RALGAPA2: variants seen among roughly 807,000 people sequenced by gnomAD.
The protein encoded by RALGAPA2 is ral GTPase-activating protein subunit alpha-2.
RALGAPA2 carries 139 observed loss-of-function variants against 230.4 expected under a neutral mutation model. The ratio of observed to expected loss-of-function variants is 0.60; its 90% CI spans 0.53 to 0.69. The LOEUF (loss-of-function observed/expected upper bound fraction) is 0.69, where lower values mean the gene tolerates loss of function less well. Among genes scored for constraint, RALGAPA2 ranks in the 30% least tolerant of loss-of-function variants. RALGAPA2 has a pLI of 0.00. For synonymous variants in RALGAPA2, 847 were observed against 837.8 expected, an observed-to-expected ratio of 1.01 and a Z score of -0.19; for missense variants, 2,163 against 2,276.0, an observed-to-expected ratio of 0.95 and a Z score of 1.01.
At chr20:20,510,348 C>T (rs1294054354) in intron 33 of RALGAPA2, among the ~76,000 whole-genome samples, 2 of 152,142 alleles carry the variant, frequency 1.3e-5, no homozygotes. Flanking sequence ...CTGTACCACC[C>T]TTTAAAAACA....
At chr20:20,690,493 C>T (rs763109811) in intron 1 of RALGAPA2, among the ~76,000 whole-genome samples, 10 of 152,152 alleles carry the variant, frequency 6.6e-5, no homozygotes, top group Non-Finnish European at 1.5e-4. Flanking sequence ...CCAATTCCCA[C>T]ATGATCTTCA....
intron 20 of RALGAPA2, among the ~76,000 whole-genome samples, chr20:20,573,822 A>C (rs1442145417): frequency 6.6e-6 from 1 of 152,196 alleles, no homozygotes; most frequent in African/African-American, 2.4e-5. Context: ...GATGTGTCAT[A>C]GTTTATCCAT....
intron 20 of RALGAPA2, among the ~76,000 whole-genome samples, chr20:20,574,972 A>C (rs2064773287): frequency 6.6e-6 from 1 of 152,086 alleles, no homozygotes; most frequent in Non-Finnish European, 1.5e-5. Flanking sequence ...ATGTTGTTTA[A>C]TGTAGTGCTC....
chr20:20,399,203 T>G lies in RALGAPA2; in HGVS notation c.5618-2469A>C, dbSNP rs984347806. 4.6e-5 allele frequency among the ~76,000 whole-genome samples: 7 copies of G among 151,982 alleles called. No individual in the cohort carries two copies. The East Asian group carries it at 1.4e-3, about 29-fold the overall frequency. ...CTACTAAAAATACCAAAAAATCAGC[T>G]GGGTGTGGTGGTGGGCACCTGTAAT... On this transcript the variant is annotated intron_variant, in intron 38 of 39. Coordinates refer to ENST00000202677, the MANE Select transcript of RALGAPA2 (RefSeq NM_020343.4).
intron 38 of RALGAPA2, among the ~76,000 whole-genome samples, chr20:20,400,436 A>C (rs7264033): frequency 6.6e-6 from 1 of 152,150 alleles, no homozygotes; most frequent in Non-Finnish European, 1.5e-5. Context: ...GCTCCCGTGC[A>C]GGGGCTAAGT....
intron 3 of RALGAPA2, among the ~76,000 whole-genome samples, chr20:20,659,402 T>G (rs2067694990): frequency 6.6e-6 from 1 of 152,246 alleles, no homozygotes; most frequent in Non-Finnish European, 1.5e-5. Context: ...TAACAAAATG[T>G]TATTTGAGGA....
intron 22 of RALGAPA2, 41 bp from the exon 23 acceptor site, chr20:20,571,654 G>C (rs1339497600): frequency 6.3e-7 from 1 of 1,583,676 alleles, no homozygotes; most frequent in Non-Finnish European, 8.6e-7. Flanking sequence ...TCAAGCCCAG[G>C]TGCAGAGTAT....
At chr20:20,677,240 A>G (rs1298026831) in intron 2 of RALGAPA2, among the ~76,000 whole-genome samples, 2 of 152,222 alleles carry the variant, frequency 1.3e-5, no homozygotes, top group African/African-American at 2.4e-5. Context: ...CAGAAGCCAA[A>G]AAAGATGGTA....
chr20:20,573,120 T>A, intron 20 of RALGAPA2, 52 bp from the exon 21 acceptor site: 1 of 1,385,346 alleles, frequency 7.2e-7, no homozygotes, highest in Non-Finnish European at 9.5e-7. Flanking sequence ...GATTTCATCA[T>A]ACCTTTTTTC....
chr20:20,512,921 C>A lies in RALGAPA2; in HGVS notation c.4448G>T (p.Gly1483Val), dbSNP rs781161135. 6.8e-6 allele frequency: 11 copies of A among 1,613,848 alleles called. No individual in the cohort carries two copies. The South Asian group carries it at 1.1e-4, about 16-fold the overall frequency. ...ATTTCTTCCATTGGGTGCTAAGCAG[C>A]CTTCCAAAGGTCCATATAAAACCTT... is the stretch of plus-strand genomic sequence containing the variant. ...DGKVLYGPLEGCLAPNGRNPS... is the reference protein window; with the variant it reads ...DGKVLYGPLEVCLAPNGRNPS... Residue 1483 changes from glycine (G) to valine (V), a missense_variant, in exon 32 of 40, where the codon GGC becomes GTC. Transcript: ENST00000202677.
chr20:20,697,127 T>C (rs1379209691), intron 1 of RALGAPA2, among the ~76,000 whole-genome samples: 8 of 152,176 alleles, frequency 5.3e-5, no homozygotes. Flanking sequence ...TCACTATATG[T>C]GGAATGACTT....
chr20:20,615,559 A>G (rs985175355), intron 13 of RALGAPA2, among the ~76,000 whole-genome samples: 2 of 152,250 alleles, frequency 1.3e-5, no homozygotes, highest in African/African-American at 4.8e-5. Context: ...AAAGATGAAA[A>G]GGAAAAAACG....
At position 20,616,695 on chromosome 20, in the gene RALGAPA2, G is replaced by T. The variant is rs8122455; in HGVS notation, c.1540-504C>A. On this transcript the variant is annotated intron_variant, in intron 12 of 39. Coordinates refer to ENST00000202677, the MANE Select transcript of RALGAPA2 (RefSeq NM_020343.4). ...GAAGCATGGACAGCACCACTCAACA[G>T]GGGTCAGAACCTCAAGGAGCTGTGA... Among the ~76,000 whole-genome samples the T allele has an allele frequency of 9.6e-3, 1,460 of 152,270 alleles. 25 individuals carry two copies. Among genetic ancestry groups the T allele is most frequent in the African/African-American group, 0.033 (1,384 of 41,550 alleles).
At chr20:20,636,712 C>T (rs1056835849) in intron 8 of RALGAPA2, among the ~76,000 whole-genome samples, 2 of 152,168 alleles carry the variant, frequency 1.3e-5, no homozygotes, top group Non-Finnish European at 2.9e-5. Context: ...ACTAGTTTTA[C>T]CTGTTTTAAA....
intron 23 of RALGAPA2, among the ~76,000 whole-genome samples, chr20:20,551,214 AGTTTC>A (rs2063915521): frequency 6.6e-6 from 1 of 152,242 alleles, no homozygotes; most frequent in Non-Finnish European, 1.5e-5. Context: ...AGCAAGAATT[AGTTTC>A]TTTTTCACAC....
intron 35 of RALGAPA2, among the ~76,000 whole-genome samples, chr20:20,502,891 C>T (rs1369318089): frequency 1.3e-5 from 2 of 152,166 alleles, no homozygotes; most frequent in Non-Finnish European, 2.9e-5. Flanking sequence ...AGGCCAAGTT[C>T]CCTGGGGGAG....
intron 3 of RALGAPA2, chr20:20,659,858 C>T (rs1301677265): frequency 3.4e-6 from 2 of 592,912 alleles, no homozygotes; most frequent in African/African-American, 1.9e-5. Context: ...GTCCCTGGAC[C>T]AGCAGAGCAT....
chr20:20,441,627 C>T (rs1018187688), intron 37 of RALGAPA2, among the ~76,000 whole-genome samples: 1 of 152,154 alleles, frequency 6.6e-6, no homozygotes, highest in Non-Finnish European at 1.5e-5. Flanking sequence ...TCTAGGTTGC[C>T]CATGGTTGGA....
intron 20 of RALGAPA2, among the ~76,000 whole-genome samples, chr20:20,575,870 TG>T (rs2145957621): frequency 6.6e-6 from 1 of 152,278 alleles, no homozygotes; most frequent in East Asian, 1.9e-4. Flanking sequence ...TGTGGATTTA[TG>T]TCTTATTTAA....
Sources: gnomAD v4.1 joint callset for allele counts (sites outside exome capture counted in the v4.1 genomes callset) on GRCh38, gnomAD v4.1.1 for gene constraint, MANE v1.5 for transcripts, NCBI Gene and HGNC (gene_info 2026-07-23, HGNC 2026-07-21) for gene names.